Variants in TMEM101 observed in about 807,000 individuals in gnomAD.
The protein encoded by TMEM101 is putative NF-kappa-B-activating protein 130.
In TMEM101, 14 loss-of-function variants were observed where a neutral mutation model predicts 26.0. The ratio of observed to expected loss-of-function variants is 0.54; its 90% CI spans 0.36 to 0.84. The LOEUF (loss-of-function observed/expected upper bound fraction) is 0.84. Ranked by LOEUF, TMEM101 falls within the 40% of genes least tolerant of loss-of-function variation. TMEM101 has a pLI of 0.01. For synonymous variants in TMEM101, 152 were observed against 145.1 expected (o/e 1.05, Z -0.34); for missense variants, 292 against 345.1 (o/e 0.85, Z 1.22).
chr17:44,017,956 A>G (rs1357609253), upstream of TMEM101, among the ~76,000 whole-genome samples: 1 of 151,982 alleles, frequency 6.6e-6, no homozygotes, highest in East Asian at 1.9e-4. Flanking sequence ...AACATGGCAA[A>G]ACCCCATCTC....
rs868798541 is a variant in TMEM101 at position 44,013,029 on chromosome 17, C to A, written c.445G>T (p.Gly149Cys). 1.9e-6 allele frequency: 3 copies of A among 1,605,180 alleles called. No individual in the cohort carries two copies. The highest frequency in any genetic ancestry group is 4.5e-5 in the East Asian group (2 of 44,678). ...CATACCACACAGATGAGGTAGATAC[C>A]CAGGAACACCTGGCCGGTGGACTGC... ...SLQSTGQVFL[G>C]IYLICVAYSL... Residue 149 changes from glycine (G) to cysteine (C), a missense_variant, in exon 3 of 4, where the codon GGT (glycine) becomes TGT (cysteine). By Grantham distance (159) the Gly-to-Cys change is radical. Around this residue, in one of 2 missense-constraint regions of TMEM101, gnomAD observed 149 missense variants for 211.9 expected, o/e 0.70. Transcript: ENST00000206380.
At chr17:44,014,333 C>A (rs1202580445) in intron 2 of TMEM101, 24 bp downstream of exon 2, 2 of 1,541,384 alleles carry the variant, frequency 1.3e-6, no homozygotes, top group Non-Finnish European at 1.8e-6. Flanking sequence ...AGAGGGAAGA[C>A]CCTTTTGGGG....
intron 2 of TMEM101, among the ~76,000 whole-genome samples, 163 bp downstream of exon 2, chr17:44,014,194 A>G (rs1409698763): frequency 6.6e-6 from 1 of 152,094 alleles, no homozygotes; most frequent in Non-Finnish European, 1.5e-5. Flanking sequence ...TCTAAGATCC[A>G]TTTCTGCGCT....
intron 2 of TMEM101, 135 bp from the exon 3 acceptor site, chr17:44,013,290 G>T: frequency 2.4e-6 from 2 of 827,416 alleles, no homozygotes; most frequent in Non-Finnish European, 3.3e-6. Flanking sequence ...AAGCTTGGTG[G>T]GCAGGTGCAA....
chr17:44,013,423 G>T (rs1410630927), intron 2 of TMEM101, among the ~76,000 whole-genome samples: 1 of 152,162 alleles, frequency 6.6e-6, no homozygotes, highest in Non-Finnish European at 1.5e-5. Context: ...ACTTTGGGAG[G>T]CCGAGGCAGG....
intron 3 of TMEM101, chr17:44,012,619 C>T: frequency 2.5e-6 from 1 of 401,052 alleles, no homozygotes; most frequent in South Asian, 8.3e-5. Context: ...CAGGGAGAAC[C>T]ATAAGTGGCT....
chr17:44,012,317 C>T (rs2049171429), intron 3 of TMEM101, 81 bp from the exon 4 acceptor site: 1 of 1,352,390 alleles, frequency 7.4e-7, no homozygotes, highest in Non-Finnish European at 1.0e-6. Flanking sequence ...ATGGCACCTG[C>T]AAATGAGTCC....
intron 2 of TMEM101, among the ~76,000 whole-genome samples, chr17:44,014,143 G>A (rs2049196039): frequency 6.6e-6 from 1 of 152,116 alleles, no homozygotes; most frequent in African/African-American, 2.4e-5. Context: ...CCCATCTCTA[G>A]ACCTCAGTTT....
chr17:44,014,400 G>C lies in TMEM101; in HGVS notation c.275C>G (p.Ala92Gly). Residue 92 changes from alanine to glycine, a missense_variant, in exon 2 of 4, where the codon GCC becomes GGC. Around this residue, in one of 2 missense-constraint regions of TMEM101, gnomAD observed 143 missense variants for 133.2 expected, o/e 1.07. Transcript: ENST00000206380. The stretch of plus-strand genomic sequence containing the variant: ...GTGGACGTAGCCCCCGATGTAGGCG[G>C]CGTAGGTGCTAATGGCCAATTGGAG... ...AALQLAISTY[A>G]AYIGGYVHYG... is the part of the protein sequence containing the mutation. 2 of 1,555,090 alleles carry C rather than the reference G, an allele frequency of 1.3e-6. No homozygotes were observed. Among genetic ancestry groups the C allele is most frequent in the Non-Finnish European group, 1.7e-6 (2 of 1,148,896 alleles).
rs1327960075 is a variant in TMEM101, at chr17:44,012,176, C to T, written c.526G>A (p.Gly176Arg). The change falls in exon 4 of 4, where the codon GGG becomes AGG. Residue 176 changes from glycine (G) to arginine (R), a missense_variant. Physicochemically the swap from Gly to Arg is moderately radical, Grantham distance 125. Transcript: ENST00000206380. ...RLAYLNHLPG[G>R]ELMIQLFFVL... ...AAGAACAGCTGGATCATCAGCTCCC[C>T]TCCTGGGAGATGGTTCAGATACGCC... 4 of 1,614,204 alleles carry T rather than the reference C, an allele frequency of 2.5e-6. No individual in the cohort carries two copies. Among genetic ancestry groups the T allele is most frequent in the Admixed American group, 1.7e-5 (1 of 60,030 alleles).
chr17:44,018,490 CACAAA>C (rs759709704), upstream of TMEM101, among the ~76,000 whole-genome samples: 28 of 152,164 alleles, frequency 1.8e-4, no homozygotes, highest in Non-Finnish European at 3.5e-4. Flanking sequence ...GTGACAACCA[CACAAA>C]ACAAATTTCC....
chr17:44,017,528 A>C (rs1219632368), upstream of TMEM101, among the ~76,000 whole-genome samples: 1 of 148,876 alleles, frequency 6.7e-6, no homozygotes, highest in African/African-American at 2.5e-5. Context: ...CAGGAGGCAG[A>C]GCTTACAGTG....
upstream of TMEM101, among the ~76,000 whole-genome samples, chr17:44,017,328 G>A (rs1181891774): frequency 2.0e-5 from 3 of 151,640 alleles, no homozygotes; most frequent in East Asian, 2.0e-4. Flanking sequence ...GGCTGGGCAC[G>A]GTGGCTCATG....
In TMEM101 at chr17:44,012,111, G is replaced by T; in HGVS notation, c.591C>A (p.Gly197=). The stretch of plus-strand genomic sequence containing the variant: ...TCTGGGCAGCGAGGGTCACGTAGTA[G>T]CCTGACAGAAAGGCCAGGGCCAGGA... ...YGILALAFLS[G]YYVTLAAQIL... The change falls in exon 4 of 4, where the codon GGC becomes GGA. Residue 197 remains glycine, a synonymous_variant. Coordinates refer to ENST00000206380, the MANE Select transcript of TMEM101 (RefSeq NM_032376.4). 2 of 1,614,246 alleles carry T rather than the reference G, an allele frequency of 1.2e-6. No individual in the cohort carries two copies. Among genetic ancestry groups the T allele is most frequent in the Non-Finnish European group, 1.7e-6 (2 of 1,180,038 alleles).
At chr17:44,013,266 C>G (rs1049499766) in intron 2 of TMEM101, 111 bp from the exon 3 acceptor site, 234 of 1,118,048 alleles carry the variant, frequency 2.1e-4, no homozygotes, top group Non-Finnish European at 2.6e-4. Flanking sequence ...TCTGATGAAC[C>G]CTCTTACATT....
chr17:44,014,254 T>A, intron 2 of TMEM101, 103 bp downstream of exon 2: 1 of 1,374,982 alleles, frequency 7.3e-7, no homozygotes, highest in Non-Finnish European at 9.8e-7. Context: ...CTTCACACTG[T>A]GCAGCTGGCC....
At chr17:44,021,576 C>A (rs1293354815) in intron 1 of TMEM101, 1 of 152,242 alleles carries the variant, frequency 6.6e-6, no homozygotes, top group Non-Finnish European at 1.5e-5. Flanking sequence ...TTCGTTGCCA[C>A]TGGGGCATCC....
upstream of TMEM101, among the ~76,000 whole-genome samples, chr17:44,018,102 A>G (rs1012916303): frequency 6.6e-6 from 1 of 152,162 alleles, no homozygotes; most frequent in African/African-American, 2.4e-5. Flanking sequence ...TCCAGGCTGG[A>G]TGACAGAGCA....
At chr17:44,020,226 AC>A (rs1367109164) in intron 2 of TMEM101, among the ~76,000 whole-genome samples, 2 of 151,948 alleles carry the variant, frequency 1.3e-5, no homozygotes, top group Non-Finnish European at 2.9e-5. Flanking sequence ...ATTAATGGCC[AC>A]CCCCAAGTGT....
Sources: gnomAD v4.1 joint callset for allele counts (sites outside exome capture counted in the v4.1 genomes callset) on GRCh38, gnomAD v4.1.1 for gene constraint, gnomAD v4.1.1 regional missense constraint, MANE v1.5 for transcripts, NCBI Gene and HGNC (gene_info 2026-07-23, HGNC 2026-07-21) for gene names.